RNF8: variants seen among roughly 807,000 people sequenced by gnomAD.
RNF8 encodes the protein E3 ubiquitin-protein ligase RNF8.
A neutral mutation model predicts 59.3 loss-of-function variants in RNF8; 8 were observed. That is an observed-to-expected ratio of 0.13 (90% CI 0.08 to 0.24). RNF8 has a LOEUF of 0.24. RNF8 is among the 10% of genes least tolerant of loss of function. The pLI is 1.00. For missense variants in RNF8, 406 were observed against 572.6 expected (o/e 0.71, Z 2.97); for synonymous variants, 162 against 200.0 (o/e 0.81, Z 1.60).
intron 1 of RNF8, among the ~76,000 whole-genome samples, chr6:37,358,853 G>A (rs1192561688): frequency 6.6e-6 from 1 of 152,028 alleles, no homozygotes; most frequent in South Asian, 2.1e-4. Context: ...TCCCAGCACT[G>A]TGGGAGGCTG....
intron 6 of RNF8, among the ~76,000 whole-genome samples, chr6:37,379,658 C>T (rs575336379): frequency 2.2e-4 from 34 of 152,306 alleles, no homozygotes; most frequent in Middle Eastern, 6.8e-3. Context: ...GATATTCAGG[C>T]GTTGTCAACG....
At chr6:37,376,800 G>A (rs1770036821) in intron 5 of RNF8, 126 bp from the exon 6 acceptor site, 1 of 652,248 alleles carries the variant, frequency 1.5e-6, no homozygotes, top group African/African-American at 1.8e-5. Context: ...TATTCTTAAT[G>A]TTGCTGCACC....
chr6:37,391,099 G>A lies in RNF8; in HGVS notation c.*341G>A, dbSNP rs370854177. 52 of 459,086 alleles carry A rather than the reference G, an allele frequency of 1.1e-4. No individual in the cohort carries two copies. The highest frequency in any genetic ancestry group is 6.4e-4 in the African/African-American group (32 of 50,050). The allele number at this position is 459,086 out of a possible 1,614,324, so 28.4% of individuals were successfully genotyped here. ...GTTTTGATACCTCGGAAACACCTCC[G>A]TTGACAGTTGTTTTGGATAGGTTGG... On this transcript the variant is annotated 3_prime_UTR_variant, in exon 8 of 8. Transcript: ENST00000373479.
In RNF8 at chr6:37,368,992, A is replaced by G; in HGVS notation, c.749A>G (p.Lys250Arg). 6.2e-7 allele frequency: 1 copy of G among 1,614,242 alleles called. No individual in the cohort carries two copies. Among genetic ancestry groups the G allele is most frequent in the Non-Finnish European group, 8.5e-7 (1 of 1,180,030 alleles). The change falls in exon 3 of 8, where the codon AAG becomes AGG. Residue 250 changes from lysine to arginine, a missense_variant. By Grantham distance (26) the Lys-to-Arg change is conservative. This residue lies in a region of RNF8 where 285 missense variants were observed against 342.0 expected (regional missense o/e 0.83). Coordinates refer to ENST00000373479, the MANE Select transcript of RNF8 (RefSeq NM_003958.4). ...SASQRSLQMFKVTMSRILRLK... is the reference protein window; with the variant it reads ...SASQRSLQMFRVTMSRILRLK... The stretch of plus-strand genomic sequence containing the variant: ...TCTCAGAGAAGCTTACAGATGTTTA[A>G]GGTGACCATGTCCAGGATTCTGAGG...
Position 37,368,530 on chromosome 6 carries a change from G to A in RNF8, c.287G>A (p.Arg96Lys). The A allele has an allele frequency of 6.2e-7, 1 of 1,614,138 alleles. No homozygotes were observed. The highest frequency in any genetic ancestry group is 8.5e-7 in the Non-Finnish European group (1 of 1,180,022). The change falls in exon 3 of 8, where the codon AGG (arginine) becomes AAG (lysine). Residue 96 changes from arginine to lysine, a missense_variant. This residue lies in a region of RNF8 where 285 missense variants were observed against 342.0 expected (regional missense o/e 0.83). Transcript: ENST00000373479. ...AACAGAGCGCGTCTGGAACCTTTAA[G>A]GGTCTATTCCATTCATCAGGGAGAC... ...WLNRARLEPL[R>K]VYSIHQGDYI...
At position 37,360,520 on chromosome 6, in the gene RNF8, C is replaced by T; in HGVS notation, c.186C>T (p.Asn62=). The part of the protein sequence containing the change: ...SKICPLMISR[N]HCVLKQNPEG... ...TCTGCCCCCTGATGATTTCTCGAAA[C>T]CACTGTGTTTTGAAGCAGAATCCTG... Residue 62 remains asparagine, a synonymous_variant, in exon 2 of 8, where the codon AAC becomes AAT. Transcript: ENST00000373479. The surrounding 1 kb of genome is among the most constrained non-coding windows in gnomAD (Gnocchi z 4.2). The T allele has an allele frequency of 1.2e-6, 2 of 1,613,996 alleles. No individual in the cohort carries two copies. Among genetic ancestry groups the T allele is most frequent in the Non-Finnish European group, 1.7e-6 (2 of 1,179,956 alleles).
chr6:37,373,876 T>G lies in RNF8; in HGVS notation c.1039-744T>G, dbSNP rs149049048. Among the ~76,000 whole-genome samples, 1,082 of 152,328 alleles carry G rather than the reference T, an allele frequency of 7.1e-3. 13 individuals are homozygous for G. Among genetic ancestry groups the G allele is most frequent in the African/African-American group, 0.025 (1,021 of 41,578 alleles). ...TCTTTTCAAAAATACTTACCTTTAC[T>G]CCACCTTCTTTTAAAAAGAATTTGA... On this transcript the variant is annotated intron_variant, in intron 4 of 7. Coordinates refer to ENST00000373479, the MANE Select transcript of RNF8 (RefSeq NM_003958.4).
chr6:37,374,743 T>G, intron 5 of RNF8, 34 bp downstream of exon 5: 1 of 1,517,450 alleles, frequency 6.6e-7, no homozygotes, highest in Non-Finnish European at 9.2e-7. Context: ...TAGAATTTGG[T>G]TAGTGCATGC....
Position 37,354,159 on chromosome 6 carries a change from T to A in RNF8, c.-6T>A. On this transcript the variant is annotated 5_prime_UTR_variant, in exon 1 of 8. Transcript: ENST00000373479. Reference sequence around the variant, plus strand: ...GGTGCTGACCGCCCCCGGGGTCGAGTAGGCGATGGGGGAGCCCGGCTTCTT... The same window carrying A: ...GGTGCTGACCGCCCCCGGGGTCGAGAAGGCGATGGGGGAGCCCGGCTTCTT... 1.3e-6 allele frequency: 2 copies of A among 1,568,898 alleles called. No homozygotes were observed. Among genetic ancestry groups the A allele is most frequent in the Non-Finnish European group, 1.7e-6 (2 of 1,157,580 alleles).
chr6:37,377,157 C>G, intron 6 of RNF8, 124 bp downstream of exon 6: 1 of 581,260 alleles, frequency 1.7e-6, no homozygotes, highest in Non-Finnish European at 3.0e-6. Flanking sequence ...ACTGCAACCT[C>G]CACTTCCTGG....
At position 37,374,808 on chromosome 6, in the gene RNF8, A is replaced by G. The variant is rs994325507; in HGVS notation, c.1128+99A>G. On this transcript the variant is annotated intron_variant, in intron 5 of 7. Coordinates refer to ENST00000373479, the MANE Select transcript of RNF8 (RefSeq NM_003958.4). ...GCTAGGGAAAATAAAGAGAGAAATT[A>G]TGGCTGCTCCTTGCCTCTGGGGAGA... The G allele has an allele frequency of 1.1e-5, 9 of 814,248 alleles. No homozygotes were observed. The African/African-American group carries it at 1.6e-4, about 14-fold the overall frequency. The allele number at this position is 814,248 out of a possible 1,614,324, so 50.4% of individuals were successfully genotyped here. A position where few individuals can be genotyped will look rare whatever the true frequency, so the allele number is the denominator to read the frequency against.
chr6:37,380,563 C>T (rs560032176), intron 6 of RNF8, among the ~76,000 whole-genome samples: 428 of 149,612 alleles, frequency 2.9e-3, no homozygotes, highest in African/African-American at 1.0e-2. Flanking sequence ...CCCAGCTACT[C>T]GGGAGGCTGA....
At chr6:37,379,716 T>G (rs1770173473) in intron 6 of RNF8, among the ~76,000 whole-genome samples, 1 of 152,220 alleles carries the variant, frequency 6.6e-6, no homozygotes, top group African/African-American at 2.4e-5. Flanking sequence ...GCCCAGCATT[T>G]TTAGTTGCCT....
chr6:37,394,513 CCAAA>C lies in RNF8; in HGVS notation c.*3759_*3762del, dbSNP rs1165208985. On this transcript the variant is annotated 3_prime_UTR_variant, in exon 8 of 8. Transcript: ENST00000373479. ...TGTCATTCCTTTGTCTACAGCATCC[CCAAA>C]CAATGTACCAGTGATGGGCTACCTG... The C allele has an allele frequency of 2.0e-5, 3 of 152,164 alleles. No individual in the cohort carries two copies. Among genetic ancestry groups the C allele is most frequent in the African/African-American group, 7.2e-5 (3 of 41,446 alleles). The allele number at this position is 152,164 out of a possible 1,614,324, so 9.4% of individuals were successfully genotyped here.
At chr6:37,361,726 T>C (rs1769333486) in intron 2 of RNF8, among the ~76,000 whole-genome samples, 1 of 152,206 alleles carries the variant, frequency 6.6e-6, no homozygotes, top group African/African-American at 2.4e-5. Context: ...ATAAAACTGC[T>C]AGATTTAAGC....
chr6:37,384,452 G>A (rs142512905), intron 7 of RNF8, among the ~76,000 whole-genome samples: 51 of 152,200 alleles, frequency 3.4e-4, no homozygotes, highest in Non-Finnish European at 5.6e-4. Flanking sequence ...CCTTGCTGCT[G>A]TAATAGTGAA....
At position 37,390,998 on chromosome 6, in the gene RNF8, G is replaced by A. The variant is rs116705399; in HGVS notation, c.*240G>A. The A allele has an allele frequency of 1.5e-4, 91 of 616,468 alleles. No individual in the cohort carries two copies. In the African/African-American group the frequency reaches 1.7e-3, roughly 11 times the overall value. The allele number at this position is 616,468 out of a possible 1,614,324, so 38.2% of individuals were successfully genotyped here. A position where few individuals can be genotyped will look rare whatever the true frequency, so the allele number is the denominator to read the frequency against. On this transcript the variant is annotated 3_prime_UTR_variant, in exon 8 of 8. Transcript: ENST00000373479. Reference sequence around the variant, plus strand: ...CCCAACTGCTTCAGGGTACTTCGTAGACTCTGCCTCACTACATGTCGAAAG... The same window carrying A: ...CCCAACTGCTTCAGGGTACTTCGTAAACTCTGCCTCACTACATGTCGAAAG...
rs1280696779 is a variant in RNF8 at position 37,376,939 on chromosome 6, A to G, written c.1142A>G (p.Lys381Arg). ...ELEQTKEEKE[K>R]MQAQKEEVLS... ...TGTGTCTTGCAGGAAGAGAAGGAGA[A>G]GATGCAAGCACAGAAGGAAGAAGTT... The change falls in exon 6 of 8, where the codon AAG (lysine) becomes AGG (arginine). Residue 381 changes from lysine to arginine, a missense_variant. Coordinates refer to ENST00000373479, the MANE Select transcript of RNF8 (RefSeq NM_003958.4). 3.7e-6 allele frequency: 6 copies of G among 1,612,462 alleles called. No individual in the cohort carries two copies. Among genetic ancestry groups the G allele is most frequent in the Non-Finnish European group, 5.1e-6 (6 of 1,178,568 alleles).
At chr6:37,354,351 C>A in intron 1 of RNF8, 76 bp downstream of exon 1, 1 of 1,176,470 alleles carries the variant, frequency 8.5e-7, no homozygotes, top group Non-Finnish European at 1.2e-6. Context: ...AGGAAGGTGT[C>A]TTGCTGGGCT....
Sources: allele counts gnomAD v4.1 joint callset (sites outside exome capture counted in the v4.1 genomes callset), GRCh38; gene constraint gnomAD v4.1.1; regional missense constraint gnomAD v4.1.1; non-coding constraint Gnocchi (gnomAD v3.1); transcripts MANE v1.5; gene names NCBI Gene and HGNC (gene_info 2026-07-23, HGNC 2026-07-21).